The following ADGRL3 variants were observed in gnomAD, a reference collection of about 807,000 sequenced individuals.
The protein encoded by ADGRL3 is adhesion G protein-coupled receptor L3, also known as calcium-independent alpha-latrotoxin receptor 3.
In ADGRL3, 62 loss-of-function variants were observed where a neutral mutation model predicts 153.5. The ratio of observed to expected loss-of-function variants is 0.40; its 90% CI spans 0.33 to 0.50. The LOEUF is 0.50. Among genes scored for constraint, ADGRL3 ranks in the 20% least tolerant of loss-of-function variants. The pLI, the probability that ADGRL3 is intolerant of heterozygous loss-of-function variation, is 0.47. For missense variants in ADGRL3, 1,641 were observed against 1,859.4 expected, an observed-to-expected ratio of 0.88 and a Z score of 2.16; for synonymous variants, 710 against 672.5, an observed-to-expected ratio of 1.06 and a Z score of -0.86.
At chr4:61,365,788 T>A (rs2096384293) in intron 1 of ADGRL3, among the ~76,000 whole-genome samples, 1 of 152,202 alleles carries the variant, frequency 6.6e-6, no homozygotes, top group Non-Finnish European at 1.5e-5. Flanking sequence ...TTATTATCTC[T>A]CTCTCACTTT....
intron 2 of ADGRL3, among the ~76,000 whole-genome samples, chr4:61,395,708 T>C (rs2096860602): frequency 6.6e-6 from 1 of 151,826 alleles, no homozygotes; most frequent in African/African-American, 2.4e-5. Flanking sequence ...TTGAAAAAAA[T>C]AGCCAATTAT....
intron 23 of ADGRL3, among the ~76,000 whole-genome samples, chr4:62,034,069 C>T (rs1723645443): frequency 6.6e-6 from 1 of 151,530 alleles, no homozygotes; most frequent in Middle Eastern, 3.4e-3. Context: ...ATCTCAAGAC[C>T]CTCAAACAAA....
intron 23 of ADGRL3, among the ~76,000 whole-genome samples, chr4:62,032,307 C>T (rs1036330190): frequency 6.6e-6 from 1 of 151,198 alleles, no homozygotes; most frequent in Non-Finnish European, 1.5e-5. Flanking sequence ...TAATTTTAAA[C>T]ACTAAATATT....
intron 2 of ADGRL3, among the ~76,000 whole-genome samples, chr4:61,456,912 G>A (rs955775040): frequency 4.6e-5 from 7 of 151,836 alleles, no homozygotes; most frequent in Non-Finnish European, 1.0e-4. Flanking sequence ...TGTAGGAGTA[G>A]GCTGTTTTTC....
chr4:61,551,959 G>A (rs2098742368), intron 4 of ADGRL3, among the ~76,000 whole-genome samples: 1 of 152,110 alleles, frequency 6.6e-6, no homozygotes, highest in Admixed American at 6.6e-5. Flanking sequence ...ATTACATACT[G>A]CAACTTTGCC....
intron 6 of ADGRL3, among the ~76,000 whole-genome samples, chr4:61,713,589 C>T (rs550578257): frequency 4.0e-5 from 6 of 151,786 alleles, no homozygotes; most frequent in African/African-American, 1.5e-4. Flanking sequence ...TCCAAGCATT[C>T]TCTGTCTCTT....
At chr4:61,659,854 G>A (rs952070710) in intron 5 of ADGRL3, among the ~76,000 whole-genome samples, 2 of 146,224 alleles carry the variant, frequency 1.4e-5, no homozygotes, top group Middle Eastern at 7.2e-3. Flanking sequence ...TGAAGAGCCT[G>A]GTATTCATGC....
At chr4:61,954,719 C>G (rs187709628) in intron 17 of ADGRL3, among the ~76,000 whole-genome samples, 3 of 152,242 alleles carry the variant, frequency 2.0e-5, no homozygotes, top group South Asian at 2.1e-4. Context: ...CTTCTCAACA[C>G]TCCCCATCCC....
chr4:61,833,367 T>G (rs567013952), intron 9 of ADGRL3, among the ~76,000 whole-genome samples: 1 of 152,072 alleles, frequency 6.6e-6, no homozygotes, highest in Non-Finnish European at 1.5e-5. Context: ...AGAGAAAGAG[T>G]AATTCGCTGA....
chr4:61,253,872 G>T (rs185985264), intron 1 of ADGRL3, among the ~76,000 whole-genome samples: 3 of 152,280 alleles, frequency 2.0e-5, no homozygotes, highest in Admixed American at 6.5e-5. Flanking sequence ...TGTTATCTCT[G>T]TGAGAGTTGC....
intron 4 of ADGRL3, among the ~76,000 whole-genome samples, chr4:61,583,107 T>G (rs1174476793): frequency 6.6e-6 from 1 of 152,042 alleles, no homozygotes; most frequent in East Asian, 1.9e-4. Context: ...TTAGACTATA[T>G]TTAGTCTTTT....
chr4:62,024,929 C>CA (rs34456988), intron 21 of ADGRL3, among the ~76,000 whole-genome samples: 100,694 of 118,482 alleles, frequency 0.85, 43,202 homozygotes, highest in Non-Finnish European at 0.92. Context: ...GACTCCGTCT[C>CA]AAAAAAAAAA....
intron 21 of ADGRL3, among the ~76,000 whole-genome samples, chr4:62,003,537 A>G (rs1399347234): frequency 1.3e-5 from 2 of 152,118 alleles, no homozygotes; most frequent in Non-Finnish European, 2.9e-5. Flanking sequence ...AATTATACCT[A>G]TTTCATAGAG....
At chr4:61,516,507 C>CA (rs560724932) in intron 3 of ADGRL3, among the ~76,000 whole-genome samples, 116 of 151,450 alleles carry the variant, frequency 7.7e-4, no homozygotes, top group African/African-American at 2.3e-3. Flanking sequence ...ATCAATTTAT[C>CA]AAAAAAAATC....
chr4:61,291,579 T>C (rs796807257), intron 1 of ADGRL3, among the ~76,000 whole-genome samples: 1 of 14,922 alleles, frequency 6.7e-5, no homozygotes, highest in African/African-American at 1.4e-4. Context: ...TATATATATA[T>C]ATACATATAT....
chr4:61,985,214 G>A (rs976875928), intron 19 of ADGRL3, among the ~76,000 whole-genome samples: 2 of 151,778 alleles, frequency 1.3e-5, no homozygotes, highest in Non-Finnish European at 2.9e-5. Context: ...GCTGGTAGCA[G>A]ATTTGAGATA....
intron 9 of ADGRL3, among the ~76,000 whole-genome samples, chr4:61,883,938 A>G (rs1404254775): frequency 6.6e-6 from 1 of 152,194 alleles, no homozygotes; most frequent in Non-Finnish European, 1.5e-5. Context: ...ACAATCAATA[A>G]ATATAGGCTG....
chr4:61,980,156 C>A (rs1167120001), intron 18 of ADGRL3, among the ~76,000 whole-genome samples: 1 of 152,026 alleles, frequency 6.6e-6, no homozygotes, highest in African/African-American at 2.4e-5. Context: ...ATCAACACAT[C>A]ATTATCATCC....
At chr4:61,398,862 T>C (rs931919112) in intron 2 of ADGRL3, among the ~76,000 whole-genome samples, 1 of 151,712 alleles carries the variant, frequency 6.6e-6, no homozygotes, top group South Asian at 2.1e-4. Context: ...CTCTTTCCTC[T>C]CCTCTTGTCT....
Sources: allele counts gnomAD v4.1 joint callset (sites outside exome capture counted in the v4.1 genomes callset), GRCh38; gene constraint gnomAD v4.1.1; transcripts MANE v1.5; gene names NCBI Gene and HGNC (gene_info 2026-07-23, HGNC 2026-07-21).